The following TRHDE variants were observed in gnomAD, a reference collection of about 807,000 sequenced individuals.
TRHDE encodes the protein thyrotropin releasing hormone degrading enzyme, also known as thyrotropin-releasing hormone-degrading ectoenzyme.
Under a neutral mutation model 125.7 loss-of-function variants are expected in TRHDE, and 72 were observed. That is an observed-to-expected ratio of 0.57 (90% CI 0.47 to 0.70). The LOEUF (loss-of-function observed/expected upper bound fraction) is 0.70. Ranked by LOEUF, TRHDE falls within the 30% of genes least tolerant of loss-of-function variation. The pLI is 0.00. For synonymous variants in TRHDE, 509 were observed against 509.1 expected, an observed-to-expected ratio of 1.00 and a Z score of 0.00; for missense variants, 1,110 against 1,327.1, an observed-to-expected ratio of 0.84 and a Z score of 2.54.
chr12:72,604,049 A>T (rs774826710), intron 12 of TRHDE, among the ~76,000 whole-genome samples: 9 of 151,502 alleles, frequency 5.9e-5, no homozygotes, highest in Non-Finnish European at 8.8e-5. Context: ...AATCAAAGAT[A>T]AAAAAAAAGA....
At chr12:72,516,115 T>G (rs1214915792) in intron 6 of TRHDE, among the ~76,000 whole-genome samples, 1 of 151,872 alleles carries the variant, frequency 6.6e-6, no homozygotes, top group Non-Finnish European at 1.5e-5. Flanking sequence ...TAGGATTAAC[T>G]TGGCGATGCG....
In TRHDE at chr12:72,612,309, T is replaced by C. The variant is rs189186785; in HGVS notation, c.2322-6582T>C. ...CTAATTCTTCTTTCCCTAACCCTGC[T>C]TGCTTTCCCTTCATAGCATCTGGGA... On this transcript the variant is annotated intron_variant, in intron 12 of 18. Coordinates refer to ENST00000261180, the MANE Select transcript of TRHDE (RefSeq NM_013381.3). Among the ~76,000 whole-genome samples, 159 of 152,332 alleles carry C rather than the reference T, an allele frequency of 1.0e-3. 1 individual carries two copies. Among genetic ancestry groups the C allele is most frequent in the African/African-American group, 3.7e-3 (153 of 41,576 alleles).
intron 3 of TRHDE, among the ~76,000 whole-genome samples, chr12:72,392,452 G>C (rs146776871): frequency 1.4e-4 from 21 of 152,166 alleles, no homozygotes; most frequent in African/African-American, 4.8e-4. Context: ...CTGATTTATA[G>C]TGAAAAAATA....
At chr12:72,175,698 A>G (rs148278505) in intron 2 of TRHDE, among the ~76,000 whole-genome samples, 2 of 152,372 alleles carry the variant, frequency 1.3e-5, no homozygotes, top group African/African-American at 2.4e-5. Flanking sequence ...GACCACCTAT[A>G]CTTACAAGTA....
chr12:72,306,220 C>T (rs1868339072), intron 2 of TRHDE, among the ~76,000 whole-genome samples: 1 of 152,128 alleles, frequency 6.6e-6, no homozygotes, highest in Admixed American at 6.5e-5. Flanking sequence ...CTACCTCTTA[C>T]AAACGTTTTC....
chr12:72,282,821 G>C (rs572296487), intron 1 of TRHDE, among the ~76,000 whole-genome samples: 1 of 152,282 alleles, frequency 6.6e-6, no homozygotes, highest in South Asian at 2.1e-4. Context: ...TTAAGCTAAT[G>C]GTTTTCAACT....
chr12:72,152,078 G>C (rs1482182820), intron 2 of TRHDE, among the ~76,000 whole-genome samples: 4 of 151,814 alleles, frequency 2.6e-5, no homozygotes, highest in Non-Finnish European at 4.4e-5. Context: ...TCATTGAGCA[G>C]TGATTTGTAG....
intron 2 of TRHDE, among the ~76,000 whole-genome samples, chr12:72,238,333 T>TAC (rs1342009100): frequency 3.6e-4 from 11 of 30,484 alleles, no homozygotes; most frequent in Non-Finnish European, 7.6e-4. Flanking sequence ...CATATATATA[T>TAC]ACACATTATA....
intron 15 of TRHDE, among the ~76,000 whole-genome samples, chr12:72,648,622 C>G (rs1316260014): frequency 6.6e-6 from 1 of 151,734 alleles, no homozygotes; most frequent in Non-Finnish European, 1.5e-5. Flanking sequence ...TGAAAAGTAA[C>G]TCAGGAAAGC....
intron 1 of TRHDE, among the ~76,000 whole-genome samples, chr12:72,100,504 G>A (rs1400468634): frequency 6.6e-6 from 1 of 152,196 alleles, no homozygotes; most frequent in Admixed American, 6.5e-5. Flanking sequence ...GCAAAGTGTA[G>A]CATGAGAGAA....
At chr12:72,629,889 A>C (rs1323731281) in intron 15 of TRHDE, among the ~76,000 whole-genome samples, 1 of 151,548 alleles carries the variant, frequency 6.6e-6, no homozygotes, top group Non-Finnish European at 1.5e-5. Flanking sequence ...GATTCTATAC[A>C]TATAATTCAC....
chr12:72,125,550 C>A (rs1483050341), intron 2 of TRHDE, among the ~76,000 whole-genome samples: 1 of 152,144 alleles, frequency 6.6e-6, no homozygotes, highest in African/African-American at 2.4e-5. Context: ...CCAACATACA[C>A]TCCTATGTAT....
chr12:72,504,352 G>A (rs1878275743), intron 6 of TRHDE, among the ~76,000 whole-genome samples: 1 of 149,758 alleles, frequency 6.7e-6, no homozygotes, highest in Non-Finnish European at 1.5e-5. Flanking sequence ...CGCTCAGGCT[G>A]GAGTGCAGTG....
At position 72,378,114 on chromosome 12, in the gene TRHDE, A is replaced by T; in HGVS notation, c.1308A>T (p.Pro436=). The T allele has an allele frequency of 6.4e-7, 1 of 1,570,548 alleles. No homozygotes were observed. The highest frequency in any genetic ancestry group is 8.6e-7 in the Non-Finnish European group (1 of 1,166,502). ...EDYFKVPYSL[P]KLDLLAVPKH... ...ACTTTAAAGTGCCCTATTCCTTGCCAAAACTAGGTAAGAATTTTCTTGGTT... is the reference window on the plus strand; with the variant it reads ...ACTTTAAAGTGCCCTATTCCTTGCCTAAACTAGGTAAGAATTTTCTTGGTT... Residue 436 remains proline, a synonymous_variant, in exon 3 of 19, where the codon CCA becomes CCT. Transcript: ENST00000261180.
chr12:72,330,561 C>T (rs911934722), intron 2 of TRHDE, among the ~76,000 whole-genome samples: 2 of 152,052 alleles, frequency 1.3e-5, no homozygotes, highest in African/African-American at 4.8e-5. Context: ...CACTGGTGTA[C>T]GTAGGCAATT....
chr12:72,237,128 T>G (rs1435183587), intron 2 of TRHDE, among the ~76,000 whole-genome samples: 1 of 152,130 alleles, frequency 6.6e-6, no homozygotes, highest in Non-Finnish European at 1.5e-5. Flanking sequence ...TCATTGTGGA[T>G]AGAAAAGAAG....
intron 7 of TRHDE, among the ~76,000 whole-genome samples, chr12:72,550,241 A>T (rs927497887): frequency 1.3e-5 from 2 of 151,884 alleles, no homozygotes; most frequent in African/African-American, 4.8e-5. Flanking sequence ...CCAATTACAG[A>T]TGCCGATTAC....
intron 3 of TRHDE, among the ~76,000 whole-genome samples, chr12:72,459,102 C>T (rs1197877149): frequency 6.6e-6 from 1 of 152,138 alleles, no homozygotes. Flanking sequence ...GACTGCACTC[C>T]TCAGCTCATG....
At chr12:72,379,721 T>C (rs1371348701) in intron 3 of TRHDE, among the ~76,000 whole-genome samples, 1 of 152,206 alleles carries the variant, frequency 6.6e-6, no homozygotes, top group African/African-American at 2.4e-5. Context: ...CACTCACAAT[T>C]GAACCACGCA....
Sources: allele counts gnomAD v4.1 joint callset (sites outside exome capture counted in the v4.1 genomes callset), GRCh38; gene constraint gnomAD v4.1.1; transcripts MANE v1.5; gene names NCBI Gene and HGNC (gene_info 2026-07-23, HGNC 2026-07-21).